The following FBXO27 variants were observed in gnomAD, a reference collection of about 807,000 sequenced individuals.
FBXO27 encodes the protein F-box protein 27, also known as F-box only protein 27.
FBXO27 carries 28 observed loss-of-function variants against 28.3 expected under a neutral mutation model. The ratio of observed to expected loss-of-function variants is 0.99; its 90% confidence interval spans 0.73 to 1.36. The LOEUF (loss-of-function observed/expected upper bound fraction) is 1.36, where lower values mean the gene tolerates loss of function less well. Ranked by LOEUF, FBXO27 falls within the 40% of genes most tolerant of loss-of-function variation. The pLI, the probability that FBXO27 is intolerant of heterozygous loss-of-function variation, is 0.00. For missense variants in FBXO27, 388 were observed against 394.1 expected (o/e 0.98, Z 0.13); for synonymous variants, 175 against 167.3 (o/e 1.05, Z -0.36).
chr19:39,019,997 C>T (rs2072837907), downstream of FBXO27, among the ~76,000 whole-genome samples: 1 of 152,122 alleles, frequency 6.6e-6, no homozygotes, highest in African/African-American at 2.4e-5. Flanking sequence ...AAGCGATTCT[C>T]CCCACTTGGC....
At chr19:39,031,427 A>G (rs2072902798) in intron 2 of FBXO27, 107 bp from the exon 3 acceptor site, 1 of 968,074 alleles carries the variant, frequency 1.0e-6, no homozygotes. Context: ...CAGCTCACTC[A>G]CCTGACCCTT....
Position 39,025,039 on chromosome 19 carries a change from C to T in FBXO27, c.*372G>A, listed in dbSNP as rs1162714252. ...AACAGGAGACAAGAGGTCAGTGGTG[C>T]GGAGGGGAGGGGATGGTACAGAGGG... On this transcript the variant is annotated 3_prime_UTR_variant, in exon 6 of 6. Transcript: ENST00000292853. 5.7e-5 allele frequency: 11 copies of T among 191,316 alleles called. No homozygotes were observed. The highest frequency in any genetic ancestry group is 1.1e-4 in the Non-Finnish European group (10 of 92,286). The allele number at this position is 191,316 out of a possible 1,614,324, so 11.9% of individuals were successfully genotyped here. A position where few individuals can be genotyped will look rare whatever the true frequency, so the allele number is the denominator to read the frequency against.
chr19:39,022,603 T>C (rs188842275), downstream of FBXO27, among the ~76,000 whole-genome samples: 280 of 152,006 alleles, frequency 1.8e-3, 1 homozygote, highest in African/African-American at 6.2e-3. Flanking sequence ...TGTGCCTCCA[T>C]GCCTGGCTAA....
chr19:39,021,954 T>C (rs1194735976), downstream of FBXO27, among the ~76,000 whole-genome samples: 1 of 151,906 alleles, frequency 6.6e-6, no homozygotes, highest in African/African-American at 2.4e-5. Flanking sequence ...AGCCACCACA[T>C]CCGGCTATCC....
chr19:39,030,790 T>G, intron 4 of FBXO27: 1 of 537,614 alleles, frequency 1.9e-6, no homozygotes, highest in Non-Finnish European at 3.3e-6. Context: ...GTATTTTTAG[T>G]AGAGACGAGG....
At chr19:39,019,846 G>A (rs1406582951), downstream of FBXO27, among the ~76,000 whole-genome samples, 1 of 152,030 alleles carries the variant, frequency 6.6e-6, no homozygotes, top group Non-Finnish European at 1.5e-5. Context: ...CCGCCTCCTG[G>A]GTTCAAGCGA....
downstream of FBXO27, among the ~76,000 whole-genome samples, chr19:39,022,594 G>A (rs776012928): frequency 2.0e-5 from 3 of 151,756 alleles, no homozygotes; most frequent in Non-Finnish European, 4.4e-5. Context: ...CTACAGACGT[G>A]TGCCTCCATG....
chr19:39,032,421 C>T lies in FBXO27; in HGVS notation c.-27+82G>A. The T allele has an allele frequency of 3.7e-6, 3 of 816,960 alleles. No individual in the cohort carries two copies. Among genetic ancestry groups the T allele is most frequent in the Non-Finnish European group, 5.2e-6 (3 of 572,516 alleles). 50.6% of individuals were successfully genotyped at this position (816,960 alleles called of 1,614,324 possible). A position where few individuals can be genotyped will look rare whatever the true frequency, so the allele number is the denominator to read the frequency against. Reference sequence around the variant, plus strand: ...TTGATAGCCCCGATATCCCGGAGACCCCGCGGTCTGTGTGTATGCCCCGAA... The same window carrying T: ...TTGATAGCCCCGATATCCCGGAGACTCCGCGGTCTGTGTGTATGCCCCGAA... On this transcript the variant is annotated intron_variant, in intron 1 of 5. Transcript: ENST00000292853. The surrounding 1 kb of genome is among the most constrained non-coding windows in gnomAD (Gnocchi z 4.7).
chr19:39,009,573 A>AC (rs1324903556), intron 2 of FBXO27, among the ~76,000 whole-genome samples: 1 of 152,076 alleles, frequency 6.6e-6, no homozygotes, highest in Non-Finnish European at 1.5e-5. Context: ...TCATGTACTT[A>AC]CCGAACACTG....
Position 39,031,335 on chromosome 19 carries a change from A to C in FBXO27, c.365-15T>G. On this transcript the variant is annotated splice_polypyrimidine_tract_variant and intron_variant, in intron 2 of 5. Coordinates refer to ENST00000292853, the MANE Select transcript of FBXO27 (RefSeq NM_178820.5). ...TCGGAGGCCTTCTGTGAAATAAAAA[A>C]GGCTTGTGCCCAAGTTCCAGTCGCC... is the stretch of plus-strand genomic sequence containing the variant. The C allele has an allele frequency of 1.2e-6, 2 of 1,613,282 alleles. No individual in the cohort carries two copies. Among genetic ancestry groups the C allele is most frequent in the Non-Finnish European group, 1.7e-6 (2 of 1,179,474 alleles).
intron 2 of FBXO27, among the ~76,000 whole-genome samples, chr19:39,008,509 A>G (rs1233567453): frequency 6.6e-6 from 1 of 152,164 alleles, no homozygotes; most frequent in Non-Finnish European, 1.5e-5. Flanking sequence ...TAAAATTCAT[A>G]CAATATATAA....
intron 1 of FBXO27, among the ~76,000 whole-genome samples, chr19:39,018,645 G>C (rs1223232857): frequency 6.6e-6 from 1 of 152,110 alleles, no homozygotes; most frequent in African/African-American, 2.4e-5. Context: ...GCAGTTGCCT[G>C]ACATTTCAAG....
At chr19:39,014,317 A>G (rs2072809494) in intron 2 of FBXO27, 1 of 152,252 alleles carries the variant, frequency 6.6e-6, no homozygotes, top group African/African-American at 2.4e-5. Flanking sequence ...CAGCAAAGCC[A>G]AGATGCTGCA....
intron 2 of FBXO27, among the ~76,000 whole-genome samples, chr19:39,012,773 C>T (rs1005013316): frequency 2.0e-5 from 3 of 151,928 alleles, no homozygotes; most frequent in African/African-American, 7.2e-5. Flanking sequence ...GCCTGGCCAA[C>T]AGAGTGAAAC....
chr19:39,012,774 A>G (rs1014775836), intron 2 of FBXO27, among the ~76,000 whole-genome samples: 6 of 151,994 alleles, frequency 3.9e-5, no homozygotes, highest in Non-Finnish European at 8.8e-5. Context: ...CCTGGCCAAC[A>G]GAGTGAAACC....
Position 39,031,921 on chromosome 19 carries a change from G to T in FBXO27, c.307C>A (p.Arg103Ser), listed in dbSNP as rs1481897417. The T allele has an allele frequency of 6.6e-7, 1 of 1,505,028 alleles. No individual in the cohort carries two copies. Among genetic ancestry groups the T allele is most frequent in the South Asian group, 1.3e-5 (1 of 77,038 alleles). The allele number at this position is 1,505,028 out of a possible 1,614,324, so 93.2% of individuals were successfully genotyped here. Residue 103 changes from arginine (R) to serine (S), a missense_variant, in exon 2 of 6, where the codon CGC becomes AGC. Arg to Ser is a moderately radical substitution (Grantham distance 110). Coordinates refer to ENST00000292853, the MANE Select transcript of FBXO27 (RefSeq NM_178820.5). ...ARNARPCPLG[R>S]FCARRPIGRN... ...CCGATGGGTCTGCGCGCGCAGAAGC[G>T]GCCCAGGGGGCAAGGCCTGGCGTTA...
At chr19:39,026,784 AT>A in intron 5 of FBXO27, 85 bp downstream of exon 5, 1 of 1,581,908 alleles carries the variant, frequency 6.3e-7, no homozygotes, top group Non-Finnish European at 8.6e-7. Context: ...ACTGTCACTG[AT>A]TTTAAGCCAC....
At chr19:39,027,136 C>G (rs1420178970) in intron 4 of FBXO27, 131 bp from the exon 5 acceptor site, 7 of 1,154,564 alleles carry the variant, frequency 6.1e-6, no homozygotes, top group Non-Finnish European at 8.6e-6. Flanking sequence ...GAGGTGATCT[C>G]TGGACCTTTG....
At chr19:39,007,152 C>T (rs1455942743) in intron 2 of FBXO27, among the ~76,000 whole-genome samples, 1 of 151,316 alleles carries the variant, frequency 6.6e-6, no homozygotes, top group Non-Finnish European at 1.5e-5. Flanking sequence ...TTTAGGGAAC[C>T]CCAGGCAGGA....
Sources: allele counts gnomAD v4.1 joint callset (sites outside exome capture counted in the v4.1 genomes callset), GRCh38; gene constraint gnomAD v4.1.1; non-coding constraint Gnocchi (gnomAD v3.1); transcripts MANE v1.5; gene names NCBI Gene and HGNC (gene_info 2026-07-23, HGNC 2026-07-21).